The following DEFB131A variants were observed in gnomAD, a reference collection of about 807,000 sequenced individuals.
DEFB131A encodes the protein beta-defensin 131A.
DEFB131A carries 5 observed loss-of-function variants against 2.4 expected under a neutral mutation model. The observed-to-expected ratio is 2.12, with a 90% CI of 1.11 to 4.47. The LOEUF is 4.47. Ranked by LOEUF, DEFB131A falls within the 30% of genes most tolerant of loss-of-function variation. DEFB131A has a pLI of 0.00. For missense variants in DEFB131A, 120 were observed against 79.9 expected (o/e 1.50, Z -1.91); for synonymous variants, 34 against 25.7 (o/e 1.32, Z -0.97).
intron 1 of DEFB131A, among the ~76,000 whole-genome samples, chr4:9,447,630 G>C (rs1464547701): frequency 6.6e-6 from 1 of 151,190 alleles, no homozygotes; most frequent in Non-Finnish European, 1.5e-5. Flanking sequence ...ATGCATTCCT[G>C]GTGTCTCTTC....
intron 1 of DEFB131A, among the ~76,000 whole-genome samples, chr4:9,449,300 C>G: frequency 9.2e-6 from 1 of 108,246 alleles, no homozygotes. Flanking sequence ...CTATCAAAAT[C>G]CTAATGGCAC....
At position 9,444,453 on chromosome 4, in the gene DEFB131A, C is replaced by G. The variant is rs979376091; in HGVS notation, c.-81C>G. ...GTTCAATAATCACTCAACAACTCAC[C>G]TCTTCAGAGAACTGAATGTACACAG... On this transcript the variant is annotated 5_prime_UTR_variant, in exon 1 of 2. Transcript: ENST00000334879. 2.6e-6 allele frequency: 4 copies of G among 1,511,572 alleles called. No homozygotes were observed. The African/African-American group carries it at 5.5e-5, about 21-fold the overall frequency. The allele number at this position is 1,511,572 out of a possible 1,614,324, so 93.6% of individuals were successfully genotyped here. A position where few individuals can be genotyped will look rare whatever the true frequency, so the allele number is the denominator to read the frequency against.
chr4:9,444,504 T>A lies in DEFB131A; in HGVS notation c.-30T>A, dbSNP rs1167887687. The A allele has an allele frequency of 6.2e-7, 1 of 1,608,052 alleles. No individual in the cohort carries two copies. Among genetic ancestry groups the A allele is most frequent in the Non-Finnish European group, 8.5e-7 (1 of 1,178,434 alleles). The stretch of plus-strand genomic sequence containing the variant: ...AAGTCCTCTTCATCTCAGCTACTGA[T>A]TCTCTCTAACCTGCTTTACCTATTC... On this transcript the variant is annotated 5_prime_UTR_variant, in exon 1 of 2. Coordinates refer to ENST00000334879, the MANE Select transcript of DEFB131A (RefSeq NM_001040448.3).
At chr4:9,449,425 C>T (rs13119693) in intron 1 of DEFB131A, among the ~76,000 whole-genome samples, 56,969 of 130,214 alleles carry the variant, frequency 0.44, 16,278 homozygotes, top group Non-Finnish European at 0.61. Flanking sequence ...AACAAACATG[C>T]GAAGAATATA....
intron 1 of DEFB131A, among the ~76,000 whole-genome samples, chr4:9,446,600 C>T (rs568508263): frequency 9.1e-3 from 1,376 of 151,902 alleles, no homozygotes; most frequent in African/African-American, 0.031. Flanking sequence ...TAGTCCTGCT[C>T]TGATTTTTAT....
rs1008273824 is a variant in DEFB131A at position 9,445,436 on chromosome 4, A to T, written c.58+845A>T. 1.1e-4 allele frequency among the ~76,000 whole-genome samples: 17 copies of T among 151,998 alleles called. 1 individual carries two copies. Among genetic ancestry groups the T allele is most frequent in the Admixed American group, 1.0e-3 (16 of 15,270 alleles). On this transcript the variant is annotated intron_variant, in intron 1 of 1. Coordinates refer to ENST00000334879, the MANE Select transcript of DEFB131A (RefSeq NM_001040448.3). ...CCAATTATATATAAGCATATTAATT[A>T]AATAATCAATACGACTTTCCCACAT...
chr4:9,447,366 G>GT (rs772025683), intron 1 of DEFB131A, among the ~76,000 whole-genome samples: 63 of 152,048 alleles, frequency 4.1e-4, no homozygotes, highest in Non-Finnish European at 7.7e-4. Flanking sequence ...CTCTTTTTAT[G>GT]TTTTTTCACT....
At chr4:9,447,719 A>C (rs1378476882) in intron 1 of DEFB131A, among the ~76,000 whole-genome samples, 2 of 145,380 alleles carry the variant, frequency 1.4e-5, no homozygotes, top group Non-Finnish European at 3.0e-5. Flanking sequence ...CAGTCCTTAA[A>C]AAAAAAAAAA....
intron 1 of DEFB131A, among the ~76,000 whole-genome samples, chr4:9,446,880 G>A (rs1488663284): frequency 6.6e-6 from 1 of 152,026 alleles, no homozygotes; most frequent in East Asian, 1.9e-4. Flanking sequence ...TAATTTCCAT[G>A]TTATCTGTAT....
chr4:9,450,123 C>T (rs1717617347), intron 1 of DEFB131A, among the ~76,000 whole-genome samples: 1 of 152,094 alleles, frequency 6.6e-6, no homozygotes, highest in Non-Finnish European at 1.5e-5. Flanking sequence ...GGTAATAGTT[C>T]TCATTTAAAA....
rs1717631011 is a variant in DEFB131A, at chr4:9,450,502, A to G, written c.201A>G (p.Gln67=). Reference sequence around the variant, plus strand: ...TGAAGATCATTGAAATTGACGGACAAAAGAAGTGGTGAAAATTCTAACTCC... The same window carrying G: ...TGAAGATCATTGAAATTGACGGACAGAAGAAGTGGTGAAAATTCTAACTCC... ...CKLKIIEIDG[Q]KKW is the part of the protein sequence containing the mutation. Residue 67 remains glutamine, a synonymous_variant, in exon 2 of 2, where the codon CAA becomes CAG. Transcript: ENST00000334879. The G allele has an allele frequency of 1.2e-6, 2 of 1,609,580 alleles. 1 individual carries two copies. Among genetic ancestry groups the G allele is most frequent in the African/African-American group, 2.7e-5 (2 of 74,812 alleles).
intron 1 of DEFB131A, among the ~76,000 whole-genome samples, chr4:9,446,087 T>C (rs1357283080): frequency 6.6e-6 from 1 of 152,140 alleles, no homozygotes; most frequent in African/African-American, 2.4e-5. Flanking sequence ...GAATGAATTT[T>C]ATAGTAAATT....
chr4:9,444,986 G>A (rs189594690), intron 1 of DEFB131A, among the ~76,000 whole-genome samples: 5 of 152,098 alleles, frequency 3.3e-5, no homozygotes, highest in Non-Finnish European at 5.9e-5. Context: ...AGGAAGCTTA[G>A]GCAGGATCGC....
intron 1 of DEFB131A, among the ~76,000 whole-genome samples, chr4:9,450,133 A>C (rs887171628): frequency 3.9e-5 from 6 of 152,160 alleles, no homozygotes; most frequent in African/African-American, 1.2e-4. Flanking sequence ...CTCATTTAAA[A>C]TTCTGTGCAT....
chr4:9,450,306 A>C (rs1409767019), intron 1 of DEFB131A, 54 bp from the exon 2 acceptor site: 1 of 1,405,690 alleles, frequency 7.1e-7, no homozygotes, highest in African/African-American at 1.4e-5. Flanking sequence ...TCAGACATTT[A>C]ACAATAAAAA....
intron 1 of DEFB131A, among the ~76,000 whole-genome samples, chr4:9,445,038 C>T (rs1416495570): frequency 6.6e-6 from 1 of 152,058 alleles, no homozygotes; most frequent in African/African-American, 2.4e-5. Context: ...TTAGGTCATG[C>T]CACTGCACAC....
intron 1 of DEFB131A, among the ~76,000 whole-genome samples, chr4:9,447,784 A>T (rs1449617973): frequency 6.6e-6 from 1 of 152,170 alleles, no homozygotes; most frequent in East Asian, 1.9e-4. Context: ...TGGGACTTCA[A>T]CATACAAATT....
intron 1 of DEFB131A, among the ~76,000 whole-genome samples, chr4:9,445,106 C>A (rs1390356435): frequency 6.6e-6 from 1 of 151,856 alleles, no homozygotes; most frequent in Non-Finnish European, 1.5e-5. Flanking sequence ...AAAAAATAAA[C>A]TTACTTGAGA....
chr4:9,450,126 A>G (rs1717617393), intron 1 of DEFB131A, among the ~76,000 whole-genome samples: 1 of 152,132 alleles, frequency 6.6e-6, no homozygotes, highest in African/African-American at 2.4e-5. Context: ...AATAGTTCTC[A>G]TTTAAAATTC....
Sources: gnomAD v4.1 joint callset for allele counts (sites outside exome capture counted in the v4.1 genomes callset) on GRCh38, gnomAD v4.1.1 for gene constraint, MANE v1.5 for transcripts, NCBI Gene and HGNC (gene_info 2026-07-23, HGNC 2026-07-21) for gene names.